Variants in ETFDH observed in about 807,000 individuals in gnomAD.
ETFDH encodes the protein electron transfer flavoprotein dehydrogenase.
ETFDH carries 61 observed loss-of-function variants against 73.2 expected under a neutral mutation model. The ratio of observed to expected loss-of-function variants is 0.83; its 90% confidence interval spans 0.68 to 1.03. The LOEUF (loss-of-function observed/expected upper bound fraction) is 1.03, where lower values mean the gene tolerates loss of function less well. Among genes scored for constraint, ETFDH ranks in the 50% least tolerant of loss-of-function variants. The probability of loss-of-function intolerance (pLI) is 0.00; values close to 1 mark genes in which losing one functional copy is unlikely to be tolerated. For synonymous variants in ETFDH, 243 were observed against 253.3 expected, an observed-to-expected ratio of 0.96 and a Z score of 0.39; for missense variants, 685 against 745.0, an observed-to-expected ratio of 0.92 and a Z score of 0.94.
intron 1 of ETFDH, among the ~76,000 whole-genome samples, chr4:158,677,841 C>A (rs952514599): frequency 6.6e-6 from 1 of 152,144 alleles, no homozygotes; most frequent in African/African-American, 2.4e-5. Context: ...TCTTTGGAAT[C>A]CCCCTGGCCA....
At chr4:158,702,910 T>C (rs1448420692) in intron 9 of ETFDH, among the ~76,000 whole-genome samples, 59 of 152,210 alleles carry the variant, frequency 3.9e-4, no homozygotes, top group Non-Finnish European at 2.9e-5. Context: ...TTTTCCATAA[T>C]GGTTGTACTA....
chr4:158,676,901 T>G (rs1275389473), intron 1 of ETFDH, among the ~76,000 whole-genome samples: 10 of 152,212 alleles, frequency 6.6e-5, no homozygotes, highest in Admixed American at 6.5e-4. Context: ...TTTAATTGGA[T>G]TATTTGTCTT....
At chr4:158,685,008 A>G (rs2150306492) in intron 4 of ETFDH, 93 bp from the exon 5 acceptor site, 1 of 789,790 alleles carries the variant, frequency 1.3e-6, no homozygotes, top group East Asian at 2.7e-5. Context: ...CTTATGTAGA[A>G]ATACATATTG....
intron 5 of ETFDH, among the ~76,000 whole-genome samples, chr4:158,685,728 T>G (rs1456957965): frequency 2.6e-5 from 4 of 152,154 alleles, no homozygotes; most frequent in Admixed American, 6.5e-5. Context: ...GCATAGAGAT[T>G]TATTTAACAT....
At chr4:158,686,632 C>T (rs1386096059) in intron 5 of ETFDH, among the ~76,000 whole-genome samples, 1 of 152,134 alleles carries the variant, frequency 6.6e-6, no homozygotes, top group African/African-American at 2.4e-5. Flanking sequence ...AATAACCTTT[C>T]TAGGTTTTAT....
In ETFDH at chr4:158,708,425, G is replaced by T; in HGVS notation, c.1752G>T (p.Gln584His). 6.2e-7 allele frequency: 1 copy of T among 1,611,356 alleles called. No homozygotes were observed. The highest frequency in any genetic ancestry group is 8.5e-7 in the Non-Finnish European group (1 of 1,177,474). Residue 584 changes from glutamine to histidine, a missense_variant, in exon 13 of 13, where the codon CAG becomes CAT. Transcript: ENST00000511912. ...GATTTCGGTTACAGATAAATGCTCA[G>T]AACTGTGTACATTGTAAAACATGTG... The part of the protein sequence containing the change: ...GDGFRLQINA[Q>H]NCVHCKTCDI...
intron 9 of ETFDH, among the ~76,000 whole-genome samples, chr4:158,701,252 T>G (rs1186880948): frequency 6.6e-6 from 1 of 152,228 alleles, no homozygotes; most frequent in East Asian, 1.9e-4. Flanking sequence ...TTTCACATTC[T>G]TCTGGTTCTT....
chr4:158,703,503 TACTC>T lies in ETFDH; in HGVS notation c.1200_1203del (p.His401GlnfsTer3). ...TTATGAATGTTCCCAAGATCAAAGG[TACTC>T]ACACAGCAATGAAAAGTGGAATTTT... On this transcript the variant is annotated frameshift_variant, in exon 10 of 13. Transcript: ENST00000511912. LOFTEE classifies it high-confidence loss of function. 1 of 1,607,230 alleles carries T rather than the reference TACTC, an allele frequency of 6.2e-7. No homozygotes were observed. Among genetic ancestry groups the T allele is most frequent in the Non-Finnish European group, 8.5e-7 (1 of 1,173,816 alleles).
chr4:158,678,431 C>A (rs1773764540), intron 1 of ETFDH, among the ~76,000 whole-genome samples: 2 of 152,058 alleles, frequency 1.3e-5, no homozygotes, highest in Admixed American at 1.3e-4. Flanking sequence ...GATAAAGAAC[C>A]CTTTTCACCA....
chr4:158,701,092 G>A (rs1272979506), intron 9 of ETFDH, among the ~76,000 whole-genome samples: 3 of 152,170 alleles, frequency 2.0e-5, no homozygotes, highest in African/African-American at 4.8e-5. Context: ...CAAACAAGGT[G>A]CGTAGCTGCT....
intron 3 of ETFDH, among the ~76,000 whole-genome samples, chr4:158,684,247 C>T (rs1773941399): frequency 6.6e-6 from 1 of 151,962 alleles, no homozygotes; most frequent in Non-Finnish European, 1.5e-5. Flanking sequence ...AAAATTAGCC[C>T]AGCATGGTGG....
intron 5 of ETFDH, 43 bp downstream of exon 5, chr4:158,685,262 C>CT: frequency 9.7e-7 from 1 of 1,029,894 alleles, no homozygotes; most frequent in Non-Finnish European, 1.5e-6. Flanking sequence ...TAGGAACTCT[C>CT]TTTTTTTAAT....
At chr4:158,693,526 G>T (rs1774233261) in intron 6 of ETFDH, among the ~76,000 whole-genome samples, 1 of 152,112 alleles carries the variant, frequency 6.6e-6, no homozygotes, top group Admixed American at 6.5e-5. Context: ...GAATATTTTA[G>T]TTCATACAGA....
rs140157065 is a variant in ETFDH, at chr4:158,681,946, T to C, written c.176-249T>C. The C allele has an allele frequency of 4.4e-4, 226 of 508,976 alleles. 1 individual carries two copies. Among genetic ancestry groups the C allele is most frequent in the African/African-American group, 3.9e-3 (201 of 52,136 alleles). 31.5% of individuals were successfully genotyped at this position (508,976 alleles called of 1,614,324 possible). A position where few individuals can be genotyped will look rare whatever the true frequency, so the allele number is the denominator to read the frequency against. On this transcript the variant is annotated intron_variant, in intron 2 of 12. Transcript: ENST00000511912. ...GTATTTTACACAAGTAAATATTTGC[T>C]AAATGTATAATAATAAATCTCAAAG...
At chr4:158,688,482 G>A (rs1580403974) in intron 5 of ETFDH, among the ~76,000 whole-genome samples, 1 of 150,994 alleles carries the variant, frequency 6.6e-6, no homozygotes, top group African/African-American at 2.4e-5. Flanking sequence ...TCAGGAGATC[G>A]AGACCATGGG....
intron 9 of ETFDH, among the ~76,000 whole-genome samples, chr4:158,702,162 T>G (rs1774481671): frequency 6.6e-6 from 1 of 152,078 alleles, no homozygotes; most frequent in South Asian, 2.1e-4. Flanking sequence ...CAGGTTTTTT[T>G]TTTTTATATG....
At chr4:158,682,459 T>C (rs1773888789) in intron 3 of ETFDH, 35 bp downstream of exon 3, 12 of 1,491,360 alleles carry the variant, frequency 8.0e-6, no homozygotes, top group South Asian at 2.3e-5. Context: ...AAGTCTAATC[T>C]TTTGTAATTG....
intron 1 of ETFDH, among the ~76,000 whole-genome samples, chr4:158,677,046 G>T (rs1299705260): frequency 6.6e-6 from 1 of 152,168 alleles, no homozygotes; most frequent in Non-Finnish European, 1.5e-5. Context: ...TGCACAAAAG[G>T]TTTTAATTTT....
At chr4:158,694,323 T>C (rs775503066) in intron 6 of ETFDH, among the ~76,000 whole-genome samples, 2 of 152,200 alleles carry the variant, frequency 1.3e-5, no homozygotes, top group Non-Finnish European at 2.9e-5. Context: ...CCAGGCACCA[T>C]GGCTCACACT....
Sources: allele counts gnomAD v4.1 joint callset (sites outside exome capture counted in the v4.1 genomes callset), GRCh38; gene constraint gnomAD v4.1.1; transcripts MANE v1.5; gene names NCBI Gene and HGNC (gene_info 2026-07-23, HGNC 2026-07-21).